The following KCNJ6 variants were observed in gnomAD, a reference collection of about 807,000 sequenced individuals.
The protein encoded by KCNJ6 is potassium inwardly rectifying channel subfamily J member 6, also known as G protein-activated inward rectifier potassium channel 2.
Under a neutral mutation model 34.2 loss-of-function variants are expected in KCNJ6, and 9 were observed. The observed-to-expected ratio is 0.26, with a 90% CI of 0.16 to 0.46. The LOEUF is 0.46. Ranked by LOEUF, KCNJ6 falls within the 20% of genes least tolerant of loss-of-function variation. The probability of loss-of-function intolerance (pLI) is 1.00; values close to 1 mark genes in which losing one functional copy is unlikely to be tolerated. For synonymous variants in KCNJ6, 196 were observed against 207.1 expected (o/e 0.95, Z 0.46); for missense variants, 236 against 531.3 (o/e 0.44, Z 5.46).
chr21:37,633,394 C>T (rs1234598333), intron 3 of KCNJ6, among the ~76,000 whole-genome samples: 2 of 152,214 alleles, frequency 1.3e-5, no homozygotes, highest in Non-Finnish European at 2.9e-5. Flanking sequence ...TGTTTAAAGT[C>T]AGGACCAGTG....
chr21:37,876,286 A>C (rs914287859), intron 1 of KCNJ6, among the ~76,000 whole-genome samples: 7 of 152,194 alleles, frequency 4.6e-5, no homozygotes, highest in African/African-American at 1.7e-4. Flanking sequence ...CCCATTTTAC[A>C]GATGAGCTAA....
intron 2 of KCNJ6, among the ~76,000 whole-genome samples, chr21:37,790,959 A>T (rs1479936094): frequency 6.6e-6 from 1 of 152,186 alleles, no homozygotes; most frequent in Non-Finnish European, 1.5e-5. Context: ...TGTTTATCAC[A>T]GTTGGATTGC....
chr21:37,789,539 A>G (rs1432766575), intron 2 of KCNJ6, among the ~76,000 whole-genome samples: 2 of 152,164 alleles, frequency 1.3e-5, no homozygotes, highest in East Asian at 3.8e-4. Flanking sequence ...TGTTGAAATG[A>G]CCCAGGCTAT....
intron 3 of KCNJ6, among the ~76,000 whole-genome samples, chr21:37,641,422 G>A (rs924744495): frequency 3.3e-5 from 5 of 152,006 alleles, no homozygotes; most frequent in East Asian, 1.9e-4. Flanking sequence ...CTGAGAATCC[G>A]AATAAATATA....
At chr21:37,775,974 T>C (rs1007287214) in intron 2 of KCNJ6, among the ~76,000 whole-genome samples, 2 of 152,232 alleles carry the variant, frequency 1.3e-5, no homozygotes, top group Admixed American at 6.5e-5. Context: ...TGATTTTTCC[T>C]ACCCATGAGC....
intron 1 of KCNJ6, among the ~76,000 whole-genome samples, chr21:37,880,432 T>C (rs1055150289): frequency 1.6e-4 from 24 of 152,212 alleles, no homozygotes; most frequent in African/African-American, 5.8e-4. Context: ...GCCAGGGCTA[T>C]GGGCCAAACT....
rs796430528 is a variant in KCNJ6 at position 37,619,012 on chromosome 21, G to C, written c.*6147C>G. The C allele has an allele frequency of 1.7e-4, 26 of 152,326 alleles. No individual in the cohort carries two copies. Among genetic ancestry groups the C allele is most frequent in the African/African-American group, 5.5e-4 (23 of 41,568 alleles). 9.4% of individuals were successfully genotyped at this position (152,326 alleles called of 1,614,324 possible). A position where few individuals can be genotyped will look rare whatever the true frequency, so the allele number is the denominator to read the frequency against. On this transcript the variant is annotated 3_prime_UTR_variant, in exon 4 of 4. Transcript: ENST00000609713. ...CTTCCATGCAGTTGAAGGGTCACAAGCTTTTTGCATGATCTATATTGTAGA... is the reference window on the plus strand; with the variant it reads ...CTTCCATGCAGTTGAAGGGTCACAACCTTTTTGCATGATCTATATTGTAGA...
intron 2 of KCNJ6, among the ~76,000 whole-genome samples, chr21:37,740,736 C>T (rs988669465): frequency 6.6e-6 from 1 of 152,202 alleles, no homozygotes; most frequent in Admixed American, 6.5e-5. Flanking sequence ...CATTCTTCTG[C>T]CATTCCCCTG....
At chr21:37,731,093 TGAGAG>T (rs1569453481) in intron 2 of KCNJ6, among the ~76,000 whole-genome samples, 22 of 69,574 alleles carry the variant, frequency 3.2e-4, no homozygotes, top group Non-Finnish European at 4.8e-4. Flanking sequence ...TGCAGATAGA[TGAGAG>T]AAGTGTGTGT....
intron 1 of KCNJ6, among the ~76,000 whole-genome samples, chr21:37,850,228 G>T (rs369681425): frequency 6.6e-6 from 1 of 152,226 alleles, no homozygotes; most frequent in African/African-American, 2.4e-5. Context: ...TGGGACTGAT[G>T]ATAGGGGCAG....
At chr21:37,873,611 C>T (rs2055663294) in intron 1 of KCNJ6, among the ~76,000 whole-genome samples, 1 of 152,284 alleles carries the variant, frequency 6.6e-6, no homozygotes, top group African/African-American at 2.4e-5. Flanking sequence ...AGTGTTTCTG[C>T]ACTGAAAAGC....
chr21:37,802,392 G>T (rs976386323), intron 2 of KCNJ6, among the ~76,000 whole-genome samples: 1 of 151,658 alleles, frequency 6.6e-6, no homozygotes, highest in African/African-American at 2.4e-5. Context: ...TTGTGAAGGG[G>T]AGATGGTCCT....
intron 2 of KCNJ6, among the ~76,000 whole-genome samples, chr21:37,779,419 G>T (rs1373998279): frequency 6.6e-6 from 1 of 152,176 alleles, no homozygotes; most frequent in Non-Finnish European, 1.5e-5. Context: ...ATGGGGAGAG[G>T]TGTGTTAATC....
intron 3 of KCNJ6, among the ~76,000 whole-genome samples, chr21:37,685,708 A>AAAAAAAT (rs2054612107): frequency 7.3e-6 from 1 of 136,236 alleles, no homozygotes. Flanking sequence ...AAAAAAAAAA[A>AAAAAAAT]TCTATCCTAT....
chr21:37,740,772 C>A (rs1328420318), intron 2 of KCNJ6, among the ~76,000 whole-genome samples: 1 of 152,202 alleles, frequency 6.6e-6, no homozygotes, highest in Non-Finnish European at 1.5e-5. Context: ...GGACCATAAA[C>A]TTGAATAGCA....
At chr21:37,736,002 C>A (rs1220164518) in intron 2 of KCNJ6, among the ~76,000 whole-genome samples, 1 of 152,192 alleles carries the variant, frequency 6.6e-6, no homozygotes, top group Non-Finnish European at 1.5e-5. Flanking sequence ...CGGGCTCTGA[C>A]TTTTTCGGTA....
At chr21:37,907,953 T>C (rs750411753) in intron 1 of KCNJ6, among the ~76,000 whole-genome samples, 1 of 152,222 alleles carries the variant, frequency 6.6e-6, no homozygotes, top group Non-Finnish European at 1.5e-5. Flanking sequence ...ATTCTCTTCA[T>C]TAAACAGAAG....
chr21:37,768,802 C>A (rs1254150511), intron 2 of KCNJ6, among the ~76,000 whole-genome samples: 1 of 152,204 alleles, frequency 6.6e-6, no homozygotes, highest in Non-Finnish European at 1.5e-5. Flanking sequence ...TTCTGTTCAA[C>A]TGTCTCTTGG....
intron 3 of KCNJ6, among the ~76,000 whole-genome samples, chr21:37,649,132 CAAAAAAAAA>C (rs1169306298): frequency 1.9e-3 from 74 of 39,998 alleles, no homozygotes; most frequent in African/African-American, 5.2e-3. Context: ...GACTCCATCT[CAAAAAAAAA>C]AAAAAAAAAA....
Sources: allele counts gnomAD v4.1 joint callset (sites outside exome capture counted in the v4.1 genomes callset), GRCh38; gene constraint gnomAD v4.1.1; transcripts MANE v1.5; gene names NCBI Gene and HGNC (gene_info 2026-07-23, HGNC 2026-07-21).